NTS: variants seen among roughly 807,000 people sequenced by gnomAD.
The protein encoded by NTS is neurotensin/neuromedin N.
NTS carries 20 observed loss-of-function variants against 19.5 expected under a neutral mutation model. That is an observed-to-expected ratio of 1.02 (90% CI 0.72 to 1.49). The LOEUF is 1.49. Among genes scored for constraint, NTS ranks in the 40% most tolerant of loss-of-function variants. NTS has a pLI of 0.00. For missense variants in NTS, 215 were observed against 193.1 expected (o/e 1.11, Z -0.67); for synonymous variants, 71 against 63.3 (o/e 1.12, Z -0.58).
Position 85,876,687 on chromosome 12 carries a change from A to G in NTS, c.121A>G (p.Met41Val). The G allele has an allele frequency of 1.3e-6, 2 of 1,578,470 alleles. No homozygotes were observed. Among genetic ancestry groups the G allele is most frequent in the Non-Finnish European group, 1.7e-6 (2 of 1,156,850 alleles). ...ATTAGAAGCAGATTTCTTGACCAAT[A>G]TGCATACATCAAAGGTAACTTTTTC... ...KALEADFLTN[M>V]HTSKISKAHV... The change falls in exon 2 of 4, where the codon ATG (methionine) becomes GTG (valine). Residue 41 changes from methionine to valine, a missense_variant. By Grantham distance (21) the Met-to-Val change is conservative (BLOSUM62 1). Coordinates refer to ENST00000256010, the MANE Select transcript of NTS (RefSeq NM_006183.5).
intron 3 of NTS, among the ~76,000 whole-genome samples, chr12:85,879,036 T>G (rs111958115): frequency 7.2e-6 from 1 of 139,372 alleles, no homozygotes; most frequent in Admixed American, 7.2e-5. Flanking sequence ...AAAAATATAT[T>G]TTTATGTACA....
In NTS at chr12:85,882,245, A is replaced by T. The variant is rs778979120; in HGVS notation, c.383A>T (p.Asp128Val). The change falls in exon 4 of 4, where the codon GAT (aspartate) becomes GTT (valine). Residue 128 changes from aspartate to valine, a missense_variant. Transcript: ENST00000256010. ...CAGTTAATCCAGGAAGATATTCTTG[A>T]TACTGGAAATGACAAAAATGGAAAG... ...HWELIQEDIL[D>V]TGNDKNGKEE... 3.8e-6 allele frequency: 6 copies of T among 1,599,466 alleles called. No homozygotes were observed. The highest frequency in any genetic ancestry group is 5.1e-6 in the Non-Finnish European group (6 of 1,173,680).
At chr12:85,881,679 G>T (rs78912612) in intron 3 of NTS, among the ~76,000 whole-genome samples, 1 of 152,082 alleles carries the variant, frequency 6.6e-6, no homozygotes, top group African/African-American at 2.4e-5. Context: ...TGACGAAGTT[G>T]GATAAAGCAA....
At chr12:85,877,171 C>T (rs1881364805) in intron 2 of NTS, among the ~76,000 whole-genome samples, 1 of 152,054 alleles carries the variant, frequency 6.6e-6, no homozygotes, top group Non-Finnish European at 1.5e-5. Context: ...TAAGCAGGAG[C>T]ATTGAGATCT....
chr12:85,882,082 T>A (rs1032069212), intron 3 of NTS, 141 bp from the exon 4 acceptor site: 24 of 633,120 alleles, frequency 3.8e-5, no homozygotes, highest in African/African-American at 5.7e-5. Flanking sequence ...AAAAAACAAT[T>A]TCTTTGAACT....
intron 3 of NTS, among the ~76,000 whole-genome samples, chr12:85,880,929 G>GC (rs1176282716): frequency 6.6e-6 from 1 of 152,086 alleles, no homozygotes; most frequent in African/African-American, 2.4e-5. Flanking sequence ...TCCAGCCTGG[G>GC]CGACAGAGCG....
At chr12:85,875,150 T>A (rs1881311638) in intron 1 of NTS, among the ~76,000 whole-genome samples, 1 of 152,164 alleles carries the variant, frequency 6.6e-6, no homozygotes, top group Non-Finnish European at 1.5e-5. Flanking sequence ...GGTATTCTTA[T>A]ATTGATGGAA....
rs764682467 is a variant in NTS at position 85,876,670 on chromosome 12, C to G, written c.104C>G (p.Ala35Gly). ...DSEEEMKALEADFLTNMHTSK... is the reference protein window; with the variant it reads ...DSEEEMKALEGDFLTNMHTSK... ...GAAGAGGAAATGAAAGCATTAGAAG[C>G]AGATTTCTTGACCAATATGCATACA... The change falls in exon 2 of 4, where the codon GCA (alanine) becomes GGA (glycine). Residue 35 changes from alanine to glycine, a missense_variant. By Grantham distance (60) the Ala-to-Gly change is moderately conservative. Transcript: ENST00000256010. 6.3e-7 allele frequency: 1 copy of G among 1,594,050 alleles called. No individual in the cohort carries two copies. Among genetic ancestry groups the G allele is most frequent in the Non-Finnish European group, 8.6e-7 (1 of 1,168,318 alleles).
At chr12:85,876,613 A>G in intron 1 of NTS, 27 bp from the exon 2 acceptor site, 1 of 1,456,102 alleles carries the variant, frequency 6.9e-7, no homozygotes, top group Non-Finnish European at 9.5e-7. Flanking sequence ...ATGTAATTAT[A>G]GTAAACCTGA....
chr12:85,880,089 T>A (rs1401180524), intron 3 of NTS, among the ~76,000 whole-genome samples: 1 of 150,730 alleles, frequency 6.6e-6, no homozygotes, highest in Non-Finnish European at 1.5e-5. Flanking sequence ...ATTTTTTAAT[T>A]TATATAAAGG....
At chr12:85,878,202 G>T in intron 2 of NTS, 143 bp from the exon 3 acceptor site, 1 of 597,942 alleles carries the variant, frequency 1.7e-6, no homozygotes, top group East Asian at 2.7e-5. Flanking sequence ...TTTGTGAACT[G>T]ATGTTACTAA....
intron 3 of NTS, among the ~76,000 whole-genome samples, chr12:85,879,283 C>T (rs11117069): frequency 0.12 from 1 of 8 alleles, no homozygotes; most frequent in Non-Finnish European, 0.25. Context: ...ATGTATATAC[C>T]ATATATTTTA....
chr12:85,880,393 A>C (rs770468020), intron 3 of NTS, among the ~76,000 whole-genome samples: 1 of 152,154 alleles, frequency 6.6e-6, no homozygotes, highest in African/African-American at 2.4e-5. Context: ...TTTCAAATTA[A>C]CCTCTAAGAG....
intron 3 of NTS, 49 bp downstream of exon 3, chr12:85,878,618 T>C: frequency 1.9e-6 from 2 of 1,061,216 alleles, no homozygotes; most frequent in Non-Finnish European, 2.7e-6. Context: ...ACTAGTTAGC[T>C]CTCATTTATA....
At chr12:85,874,554 T>C (rs1213673214) in intron 1 of NTS, 78 bp downstream of exon 1, 3 of 974,410 alleles carry the variant, frequency 3.1e-6, no homozygotes, top group Non-Finnish European at 3.3e-6. Flanking sequence ...CTTATGTTAA[T>C]GTATCTGGGG....
chr12:85,882,180 G>A, intron 3 of NTS, 43 bp from the exon 4 acceptor site: 2 of 1,456,938 alleles, frequency 1.4e-6, no homozygotes, highest in South Asian at 2.5e-5. Flanking sequence ...AAACAAAAGA[G>A]TTTATTCATG....
At chr12:85,880,951 C>T (rs1206088126) in intron 3 of NTS, among the ~76,000 whole-genome samples, 1 of 151,800 alleles carries the variant, frequency 6.6e-6, no homozygotes, top group African/African-American at 2.4e-5. Flanking sequence ...GACTCCATCT[C>T]GAGCAAACAA....
In NTS at chr12:85,879,026, A is replaced by AAAAATATATTTTTATGTACAT. The variant is rs557104992; in HGVS notation, c.360+476_360+496dup. On this transcript the variant is annotated intron_variant, in intron 3 of 3. Transcript: ENST00000256010. ...TTGTATTTAAATATATTAGGCAAAT[A>AAAAATATATTTTTATGTACAT]AAAATATATTTTTATGTACATAAAA... Among the ~76,000 whole-genome samples, 4 of 143,136 alleles carry AAAAATATATTTTTATGTACAT rather than the reference A, an allele frequency of 2.8e-5. 1 individual carries two copies. Among genetic ancestry groups the AAAAATATATTTTTATGTACAT allele is most frequent in the South Asian group, 4.3e-4 (2 of 4,656 alleles). 93.9% of individuals were successfully genotyped at this position (143,136 alleles called of 152,430 possible).
intron 3 of NTS, among the ~76,000 whole-genome samples, chr12:85,879,034 AT>A (rs1279006463): frequency 2.1e-4 from 30 of 140,302 alleles, no homozygotes; most frequent in South Asian, 8.7e-4. Context: ...ATAAAAATAT[AT>A]TTTTATGTAC....
Sources: allele counts gnomAD v4.1 joint callset (sites outside exome capture counted in the v4.1 genomes callset), GRCh38; gene constraint gnomAD v4.1.1; transcripts MANE v1.5; gene names NCBI Gene and HGNC (gene_info 2026-07-23, HGNC 2026-07-21).